The following MAST4 variants were observed in gnomAD, a reference collection of about 807,000 sequenced individuals.
The protein encoded by MAST4 is microtubule associated serine/threonine kinase family member 4, also known as microtubule-associated serine/threonine-protein kinase 4.
MAST4 carries 89 observed loss-of-function variants against 162.7 expected under a neutral mutation model. That is an observed-to-expected ratio of 0.55 (90% CI 0.46 to 0.65). MAST4 has a LOEUF of 0.65. MAST4 is among the 30% of genes least tolerant of loss of function. The pLI, the probability that MAST4 is intolerant of heterozygous loss-of-function variation, is 0.00. For synonymous variants in MAST4, 1,479 were observed against 1,361.1 expected, an observed-to-expected ratio of 1.09 and a Z score of -1.91; for missense variants, 3,153 against 3,374.0, an observed-to-expected ratio of 0.93 and a Z score of 1.62.
At chr5:67,072,132 A>G (rs1761071177) in intron 5 of MAST4, among the ~76,000 whole-genome samples, 1 of 152,232 alleles carries the variant, frequency 6.6e-6, no homozygotes, top group African/African-American at 2.4e-5. Flanking sequence ...TATGTTACTG[A>G]AGAAAGAAAA....
chr5:66,735,049 G>T (rs1354717683), intron 1 of MAST4, among the ~76,000 whole-genome samples: 1 of 152,116 alleles, frequency 6.6e-6, no homozygotes, highest in Non-Finnish European at 1.5e-5. Context: ...TAAATCCTTG[G>T]TGCCTAAATA....
intron 14 of MAST4, among the ~76,000 whole-genome samples, chr5:67,127,895 A>G (rs1768456272): frequency 1.3e-5 from 2 of 152,260 alleles, no homozygotes; most frequent in Non-Finnish European, 2.9e-5. Flanking sequence ...TAACCTAAAT[A>G]TACATAAATT....
Position 67,021,265 on chromosome 5 carries a change from T to C in MAST4, c.675-33139T>C, listed in dbSNP as rs373217986. On this transcript the variant is annotated intron_variant, in intron 4 of 28. Transcript: ENST00000403625. The stretch of plus-strand genomic sequence containing the variant: ...CATGGCCCCCACACCCTGATATGTA[T>C]CATGTCCTGACTTGAATTGAATGTT... Among the ~76,000 whole-genome samples, 42 of 152,296 alleles carry C rather than the reference T, an allele frequency of 2.8e-4. 1 individual carries two copies. In the South Asian group the frequency reaches 8.7e-3, roughly 32 times the overall value.
intron 4 of MAST4, chr5:66,986,647 G>T (rs986649068): frequency 4.5e-6 from 1 of 220,778 alleles, no homozygotes; most frequent in Non-Finnish European, 7.9e-6. Flanking sequence ...TTGAGACAGG[G>T]TCTCACTCTG....
intron 2 of MAST4, among the ~76,000 whole-genome samples, chr5:66,781,177 G>GC (rs1364337202): frequency 6.6e-6 from 1 of 152,184 alleles, no homozygotes; most frequent in Non-Finnish European, 1.5e-5. Flanking sequence ...ATCTATTTGA[G>GC]CCCCTACTTT....
intron 3 of MAST4, among the ~76,000 whole-genome samples, chr5:66,799,366 A>G (rs929874207): frequency 6.6e-6 from 1 of 152,096 alleles, no homozygotes; most frequent in African/African-American, 2.4e-5. Context: ...CATTTATTAT[A>G]TAATTAAGTA....
chr5:66,904,035 A>G (rs551301116), intron 4 of MAST4, among the ~76,000 whole-genome samples: 2 of 152,374 alleles, frequency 1.3e-5, no homozygotes, highest in Non-Finnish European at 2.9e-5. Context: ...GATTTTTCTA[A>G]TAACGAATTT....
intron 1 of MAST4, among the ~76,000 whole-genome samples, chr5:66,727,861 A>G (rs752450248): frequency 8.5e-5 from 13 of 152,124 alleles, no homozygotes; most frequent in Non-Finnish European, 1.8e-4. Context: ...GCCTGTGGTC[A>G]TGGGTCACTG....
At chr5:67,141,790 A>G (rs983875130) in intron 19 of MAST4, among the ~76,000 whole-genome samples, 4 of 152,202 alleles carry the variant, frequency 2.6e-5, no homozygotes, top group Non-Finnish European at 2.9e-5. Context: ...GCTGTGGGCC[A>G]ATATTTATCT....
intron 3 of MAST4, among the ~76,000 whole-genome samples, chr5:66,819,453 A>G (rs999359388): frequency 2.0e-5 from 3 of 152,186 alleles, no homozygotes; most frequent in African/African-American, 7.2e-5. Flanking sequence ...GGCTGAAGAC[A>G]TGATCTTAAA....
intron 2 of MAST4, among the ~76,000 whole-genome samples, chr5:66,776,764 G>A (rs541446711): frequency 7.8e-4 from 118 of 152,238 alleles, no homozygotes; most frequent in South Asian, 2.7e-3. Flanking sequence ...GGTGTGACGT[G>A]GGGCTACAAA....
intron 4 of MAST4, among the ~76,000 whole-genome samples, chr5:66,903,949 G>A (rs1024564237): frequency 6.6e-6 from 1 of 152,210 alleles, no homozygotes; most frequent in Admixed American, 6.5e-5. Context: ...TGCCATGGCT[G>A]GATGGCTGGT....
chr5:66,642,575 T>C (rs1051851098), intron 1 of MAST4, among the ~76,000 whole-genome samples: 29 of 152,146 alleles, frequency 1.9e-4, no homozygotes, highest in Non-Finnish European at 3.4e-4. Context: ...TCTGGGGAAG[T>C]GGGCAAGGAC....
intron 4 of MAST4, among the ~76,000 whole-genome samples, chr5:66,990,399 G>T (rs1749948173): frequency 6.6e-6 from 1 of 152,158 alleles, no homozygotes; most frequent in South Asian, 2.1e-4. Flanking sequence ...ACTTTGGGAG[G>T]CTGAGGCAGA....
At chr5:67,025,490 T>C (rs532603889) in intron 4 of MAST4, among the ~76,000 whole-genome samples, 180 of 152,280 alleles carry the variant, frequency 1.2e-3, no homozygotes, top group Non-Finnish European at 2.2e-3. Context: ...GTGAGTTCTA[T>C]TCATAGACAT....
intron 6 of MAST4, chr5:67,093,576 A>G (rs960947016): frequency 6.7e-6 from 3 of 446,032 alleles, no homozygotes; most frequent in Non-Finnish European, 1.4e-5. Context: ...CCCTGGCTGT[A>G]CAGAGTACTG....
intron 5 of MAST4, among the ~76,000 whole-genome samples, chr5:67,076,889 A>C (rs1359784958): frequency 1.3e-5 from 2 of 152,184 alleles, no homozygotes; most frequent in Non-Finnish European, 2.9e-5. Context: ...ACAAACTCTG[A>C]GGCTCCAACC....
In MAST4 at chr5:67,133,540, TA is replaced by T; in HGVS notation, c.2123del (p.Lys708SerfsTer2). On this transcript the variant is annotated frameshift_variant, in exon 17 of 29. Transcript: ENST00000403625. LOFTEE classifies it high-confidence loss of function. Reference protein sequence around the residue: ...DNLLVTSMGHIKLTDFGLSKV... With the variant: ...DNLLVTSMGHXKLTDFGLSKV... ...TTGTTGGTTACCTCCATGGGGCACA[TA>T]AAGCTGACAGATTTTGGATTATCTA... 6.2e-7 allele frequency: 1 copy of T among 1,613,352 alleles called. No individual in the cohort carries two copies. The highest frequency in any genetic ancestry group is 2.2e-5 in the East Asian group (1 of 44,864).
intron 1 of MAST4, among the ~76,000 whole-genome samples, chr5:66,749,562 C>T (rs1753004898): frequency 3.3e-5 from 5 of 152,332 alleles, no homozygotes; most frequent in African/African-American, 1.2e-4. Flanking sequence ...GATGTACACT[C>T]ACAGAGATGT....
Sources: allele counts gnomAD v4.1 joint callset (sites outside exome capture counted in the v4.1 genomes callset), GRCh38; gene constraint gnomAD v4.1.1; transcripts MANE v1.5; gene names NCBI Gene and HGNC (gene_info 2026-07-23, HGNC 2026-07-21).